Variants in CDK14 observed in about 807,000 individuals in gnomAD.
The protein encoded by CDK14 is cyclin dependent kinase 14.
In CDK14, 34 loss-of-function variants were observed where a neutral mutation model predicts 60.7. The ratio of observed to expected loss-of-function variants is 0.56; its 90% CI spans 0.43 to 0.75. CDK14 has a LOEUF of 0.75. Ranked by LOEUF, CDK14 falls within the 30% of genes least tolerant of loss-of-function variation. The pLI is 0.00. For missense variants in CDK14, 482 were observed against 564.1 expected (o/e 0.85, Z 1.47); for synonymous variants, 197 against 203.7 (o/e 0.97, Z 0.28).
chr7:91,057,019 C>T (rs1313570615), intron 11 of CDK14, among the ~76,000 whole-genome samples: 1 of 152,008 alleles, frequency 6.6e-6, no homozygotes, highest in Non-Finnish European at 1.5e-5. Flanking sequence ...GTTTACAGTC[C>T]CACCAACAGT....
At chr7:90,824,758 G>A (rs1309039583) in intron 5 of CDK14, 1 of 152,130 alleles carries the variant, frequency 6.6e-6, no homozygotes, top group Non-Finnish European at 1.5e-5. Context: ...AAATTGTCAA[G>A]TGCAACAAAG....
intron 6 of CDK14, among the ~76,000 whole-genome samples, chr7:90,883,907 T>C (rs562977878): frequency 6.6e-6 from 1 of 152,142 alleles, no homozygotes; most frequent in Non-Finnish European, 1.5e-5. Context: ...GTTAAAACTC[T>C]CAATAGACTA....
At chr7:90,777,257 A>C (rs1451857777) in intron 4 of CDK14, among the ~76,000 whole-genome samples, 1 of 152,198 alleles carries the variant, frequency 6.6e-6, no homozygotes, top group African/African-American at 2.4e-5. Context: ...TAAGTTTTCC[A>C]GTAAGGTGCT....
intron 10 of CDK14, among the ~76,000 whole-genome samples, chr7:90,997,151 T>C (rs1795710498): frequency 6.6e-6 from 1 of 152,244 alleles, no homozygotes; most frequent in African/African-American, 2.4e-5. Context: ...TTGCCCAAAC[T>C]TTCTGGTGTC....
chr7:90,828,973 G>T (rs540471460), intron 5 of CDK14, among the ~76,000 whole-genome samples: 2 of 152,070 alleles, frequency 1.3e-5, no homozygotes, highest in African/African-American at 2.4e-5. Flanking sequence ...CTGCATGTCT[G>T]GGGGAGGCCT....
chr7:91,207,964 G>A lies in CDK14; in HGVS notation c.*828G>A, dbSNP rs1329334188. 6.6e-6 allele frequency: 1 copy of A among 152,516 alleles called. No homozygotes were observed. Among genetic ancestry groups the A allele is most frequent in the Non-Finnish European group, 1.5e-5 (1 of 68,012 alleles). 9.4% of individuals were successfully genotyped at this position (152,516 alleles called of 1,614,324 possible). The stretch of plus-strand genomic sequence containing the variant: ...CATCTAATTTTTTTCCATCCATTCT[G>A]TTACACTTTGTATTTTCTAACTGGA... On this transcript the variant is annotated 3_prime_UTR_variant, in exon 15 of 15. Coordinates refer to ENST00000380050, the MANE Select transcript of CDK14 (RefSeq NM_001287135.2).
intron 2 of CDK14, among the ~76,000 whole-genome samples, chr7:90,667,437 A>AT (rs372708303): frequency 4.6e-5 from 7 of 151,572 alleles, no homozygotes; most frequent in African/African-American, 1.5e-4. Context: ...GTCACTCCCC[A>AT]TTTTTTTCTC....
chr7:90,703,722 A>T (rs1183054636), intron 2 of CDK14, among the ~76,000 whole-genome samples: 8 of 152,208 alleles, frequency 5.3e-5, no homozygotes, highest in Admixed American at 3.9e-4. Context: ...ACAAATTATT[A>T]TCCAGGATAA....
chr7:90,920,353 C>T (rs549366704), intron 8 of CDK14, among the ~76,000 whole-genome samples: 2 of 152,236 alleles, frequency 1.3e-5, no homozygotes, highest in East Asian at 1.9e-4. Context: ...TTGTAGTTCT[C>T]ATATTGTAAA....
At chr7:91,045,418 T>C (rs546015033) in intron 10 of CDK14, among the ~76,000 whole-genome samples, 10 of 152,198 alleles carry the variant, frequency 6.6e-5, no homozygotes, top group Non-Finnish European at 1.3e-4. Flanking sequence ...ATGAGAGAAT[T>C]TGAGCATTCT....
intron 2 of CDK14, among the ~76,000 whole-genome samples, chr7:90,710,745 A>G (rs1344140918): frequency 2.0e-5 from 3 of 152,080 alleles, no homozygotes; most frequent in Non-Finnish European, 4.4e-5. Context: ...GCCTACTCCA[A>G]TGAGGCTTAC....
chr7:90,949,314 T>A (rs1320071136), intron 8 of CDK14, among the ~76,000 whole-genome samples: 1 of 151,998 alleles, frequency 6.6e-6, no homozygotes, highest in Non-Finnish European at 1.5e-5. Context: ...TGATTCTCTG[T>A]CTCCGCTTCC....
At chr7:91,135,543 T>C (rs1562919463) in intron 14 of CDK14, among the ~76,000 whole-genome samples, 1 of 152,100 alleles carries the variant, frequency 6.6e-6, no homozygotes, top group Admixed American at 6.6e-5. Context: ...TGTATAGCAT[T>C]TGCATACTTT....
intron 14 of CDK14, among the ~76,000 whole-genome samples, chr7:91,170,142 C>T (rs1366250082): frequency 3.3e-5 from 5 of 152,124 alleles, no homozygotes; most frequent in Non-Finnish European, 7.3e-5. Flanking sequence ...ACGAGCTGTT[C>T]CTTAGAGGTC....
At chr7:91,092,409 G>A (rs1442459200) in intron 12 of CDK14, among the ~76,000 whole-genome samples, 1 of 152,132 alleles carries the variant, frequency 6.6e-6, no homozygotes, top group Non-Finnish European at 1.5e-5. Context: ...AAAAACCTAG[G>A]CATCCTCTTA....
intron 11 of CDK14, among the ~76,000 whole-genome samples, chr7:91,072,528 G>A (rs1318688646): frequency 1.3e-5 from 2 of 152,134 alleles, no homozygotes; most frequent in Non-Finnish European, 2.9e-5. Context: ...AGGGTCAGCA[G>A]CCTCAAAGAT....
rs549491700 is a variant in CDK14, at chr7:91,051,439, TC to T, written c.1105+5480del. On this transcript the variant is annotated intron_variant, in intron 11 of 14. Coordinates refer to ENST00000380050, the MANE Select transcript of CDK14 (RefSeq NM_001287135.2). ...TTTTGAACCTGATTACCTTCCTGTT[TC>T]TTTTCCCTTACCCTCAGGGTTCTGT... is the stretch of plus-strand genomic sequence containing the variant. 2.6e-3 allele frequency among the ~76,000 whole-genome samples: 400 copies of T among 152,352 alleles called. 1 individual carries two copies. The highest frequency in any genetic ancestry group is 4.3e-3 in the Non-Finnish European group (292 of 68,030).
At chr7:91,180,008 TAAATC>T (rs1187635109) in intron 14 of CDK14, among the ~76,000 whole-genome samples, 5 of 152,122 alleles carry the variant, frequency 3.3e-5, no homozygotes, top group Non-Finnish European at 5.9e-5. Context: ...TATAGAGTAA[TAAATC>T]AAGACATTCC....
intron 14 of CDK14, among the ~76,000 whole-genome samples, chr7:91,196,288 G>A (rs938308033): frequency 1.1e-4 from 16 of 152,236 alleles, no homozygotes; most frequent in African/African-American, 3.9e-4. Context: ...AAGAGTGGCT[G>A]TGTTTAACAA....
Sources: gnomAD v4.1 joint callset for allele counts (sites outside exome capture counted in the v4.1 genomes callset) on GRCh38, gnomAD v4.1.1 for gene constraint, MANE v1.5 for transcripts, NCBI Gene and HGNC (gene_info 2026-07-23, HGNC 2026-07-21) for gene names.